The following OR11A1 variants were observed in gnomAD, a reference collection of about 807,000 sequenced individuals.
The protein encoded by OR11A1 is olfactory receptor 11A1.
For missense variants in OR11A1, 380 were observed against 378.2 expected, an observed-to-expected ratio of 1.00 and a Z score of -0.04; for synonymous variants, 158 against 152.2, an observed-to-expected ratio of 1.04 and a Z score of -0.28.
chr6:29,455,342 ATGACT>A (rs553750979), intron 1 of OR11A1, among the ~76,000 whole-genome samples: 25 of 152,336 alleles, frequency 1.6e-4, no homozygotes, highest in African/African-American at 4.8e-4. Context: ...ATATGGACAA[ATGACT>A]TGAACAGACA....
intron 1 of OR11A1, chr6:29,440,280 C>A (rs11755182): frequency 0.014 from 22,519 of 1,613,934 alleles, 647 homozygotes; most frequent in African/African-American, 0.12. Flanking sequence ...TACTGGCCGG[C>A]GCCACATCTC....
At chr6:29,445,701 G>A (rs774224256) in intron 1 of OR11A1, among the ~76,000 whole-genome samples, 23 of 152,188 alleles carry the variant, frequency 1.5e-4, no homozygotes, top group African/African-American at 5.3e-4. Flanking sequence ...AGCCTAGCAC[G>A]TGGGGATCTT....
rs1315607095 is a variant in OR11A1 at position 29,425,968 on chromosome 6, CAGA to C, written c.*723_*725del. ...TCATGTTTAGCCATACGATGAAGCC[CAGA>C]AGAATAAAGAAATAGATGCTTGTTA... On this transcript the variant is annotated 3_prime_UTR_variant, in exon 5 of 5. Transcript: ENST00000377149. 1 of 151,966 alleles carries C rather than the reference CAGA, an allele frequency of 6.6e-6. No homozygotes were observed. Among genetic ancestry groups the C allele is most frequent in the Non-Finnish European group, 1.5e-5 (1 of 67,966 alleles). 9.4% of individuals were successfully genotyped at this position (151,966 alleles called of 1,614,324 possible). A position where few individuals can be genotyped will look rare whatever the true frequency, so the allele number is the denominator to read the frequency against.
At chr6:29,428,749 T>C (rs1478018888) in intron 4 of OR11A1, among the ~76,000 whole-genome samples, 164 bp downstream of exon 4, 2 of 68,906 alleles carry the variant, frequency 2.9e-5, no homozygotes, top group Non-Finnish European at 4.9e-5. Flanking sequence ...AGAACGAAAC[T>C]CCATCTCAAA....
At chr6:29,433,126 T>C (rs1388029606) in intron 1 of OR11A1, among the ~76,000 whole-genome samples, 1 of 152,212 alleles carries the variant, frequency 6.6e-6, no homozygotes, top group African/African-American at 2.4e-5. Flanking sequence ...GTATACATCA[T>C]GGAATGACAA....
In OR11A1 at chr6:29,427,369, T is replaced by C; in HGVS notation, c.273A>G (p.Ala91=). The part of the protein sequence containing the change: ...PKMLEGFLQE[A]TISVAGCLLQ... ...GCAAGCAACCAGCCACAGAGATAGT[T>C]GCTTCTTGCAGGAAGCCCTCCAGCA... Residue 91 remains alanine, a synonymous_variant, in exon 5 of 5, where the codon GCA becomes GCG. Transcript: ENST00000377149. 6.2e-7 allele frequency: 1 copy of C among 1,613,112 alleles called. No homozygotes were observed. Among genetic ancestry groups the C allele is most frequent in the Non-Finnish European group, 8.5e-7 (1 of 1,180,022 alleles).
At chr6:29,440,742 C>T (rs1784091813) in intron 1 of OR11A1, 1 of 1,614,002 alleles carries the variant, frequency 6.2e-7, no homozygotes, top group Non-Finnish European at 8.5e-7. Context: ...CTGCTCCTCC[C>T]ACCTGATCAT....
chr6:29,439,845 G>T (rs987758367), intron 1 of OR11A1: 6 of 609,030 alleles, frequency 9.9e-6, no homozygotes, highest in Non-Finnish European at 1.7e-5. Flanking sequence ...GTGGAATATG[G>T]ACTCCAGGCA....
chr6:29,440,479 G>A (rs368431989), intron 1 of OR11A1: 6 of 1,613,878 alleles, frequency 3.7e-6, no homozygotes, highest in South Asian at 2.2e-5. Flanking sequence ...GTGCTGGTGG[G>A]GCTGGGCCAC....
chr6:29,448,635 A>G (rs1785024660), intron 1 of OR11A1, among the ~76,000 whole-genome samples: 1 of 152,166 alleles, frequency 6.6e-6, no homozygotes, highest in African/African-American at 2.4e-5. Flanking sequence ...AGTTCTGGCA[A>G]TTTTCTGTGT....
At chr6:29,429,978 G>A (rs1185902282) in intron 3 of OR11A1, among the ~76,000 whole-genome samples, 3 of 152,092 alleles carry the variant, frequency 2.0e-5, no homozygotes, top group Non-Finnish European at 2.9e-5. Context: ...AGTGAAAGAA[G>A]GGATGGCCCC....
chr6:29,452,882 C>T (rs1785576932), intron 1 of OR11A1, among the ~76,000 whole-genome samples: 3 of 152,020 alleles, frequency 2.0e-5, no homozygotes, highest in Admixed American at 6.5e-5. Flanking sequence ...AAGTTATCTT[C>T]TTCCTTTTCT....
intron 1 of OR11A1, among the ~76,000 whole-genome samples, chr6:29,445,017 T>TTTC (rs1395998813): frequency 4.4e-5 from 6 of 136,538 alleles, no homozygotes; most frequent in African/African-American, 1.9e-4. Context: ...TCTTTCTTTC[T>TTTC]TTTTTTTTGA....
chr6:29,427,255 G>T lies in OR11A1; in HGVS notation c.387C>A (p.Tyr129Ter). The change falls in exon 5 of 5, where the codon TAC becomes TAA. Residue 129 changes from tyrosine to a stop codon, truncating the protein, a stop_gained. Coordinates refer to ENST00000377149, the MANE Select transcript of OR11A1 (RefSeq NM_001394828.1). LOFTEE classifies it low-confidence loss of function (END_TRUNC). ...MAYDRYLAIC[Y>*]PLHYPLLMGP... ...CCATCAGGAGTGGGTAGTGGAGTGG[G>T]TAGCAAATTGCCAGGTAGCGGTCAT... The T allele has an allele frequency of 6.2e-7, 1 of 1,613,104 alleles. No homozygotes were observed. The highest frequency in any genetic ancestry group is 1.1e-5 in the South Asian group (1 of 91,068).
At chr6:29,452,280 C>T (rs772814146) in intron 1 of OR11A1, among the ~76,000 whole-genome samples, 5 of 152,068 alleles carry the variant, frequency 3.3e-5, no homozygotes, top group East Asian at 3.9e-4. Context: ...CCCAATGACA[C>T]GCAATTTACC....
chr6:29,432,106 C>T (rs1783268172), intron 1 of OR11A1, 119 bp from the exon 2 acceptor site: 3 of 646,968 alleles, frequency 4.6e-6, no homozygotes, highest in South Asian at 6.9e-5. Flanking sequence ...GTCCTTTCAT[C>T]GCAGTCCTTT....
intron 1 of OR11A1, among the ~76,000 whole-genome samples, chr6:29,448,010 CTTTTTTTTTTTT>C (rs9280602): frequency 1.3e-5 from 1 of 79,934 alleles, no homozygotes. Context: ...ATGACCCTTT[CTTTTTTTTTTTT>C]TTTTTTTTTT....
rs1018196650 is a variant in OR11A1 at position 29,453,642 on chromosome 6, G to A, written c.-389+3345C>T. ...CCAGAGGTTACAGTTTTAATGAGGC[G>A]AACAGTGAACCTATCAGAAATGTAA... On this transcript the variant is annotated intron_variant, in intron 1 of 4. Coordinates refer to ENST00000377149, the MANE Select transcript of OR11A1 (RefSeq NM_001394828.1). The surrounding 1 kb of genome is among the most constrained non-coding windows in gnomAD (Gnocchi z 4.5). 2.6e-5 allele frequency among the ~76,000 whole-genome samples: 4 copies of A among 152,252 alleles called. No homozygotes were observed. Among genetic ancestry groups the A allele is most frequent in the Non-Finnish European group, 4.4e-5 (3 of 68,012 alleles).
chr6:29,447,184 A>G (rs1784856313), intron 1 of OR11A1, among the ~76,000 whole-genome samples: 1 of 152,140 alleles, frequency 6.6e-6, no homozygotes, highest in African/African-American at 2.4e-5. Flanking sequence ...CTAATTCCCC[A>G]TTTGCATAAA....
Sources: gnomAD v4.1 joint callset for allele counts (sites outside exome capture counted in the v4.1 genomes callset) on GRCh38, gnomAD v4.1.1 for gene constraint, Gnocchi (gnomAD v3.1) non-coding constraint, MANE v1.5 for transcripts, NCBI Gene and HGNC (gene_info 2026-07-23, HGNC 2026-07-21) for gene names.